The following NFIC variants were observed in gnomAD, a reference collection of about 807,000 sequenced individuals.
NFIC encodes the protein nuclear factor I C, also known as nuclear factor 1 C-type.
A neutral mutation model predicts 54.4 loss-of-function variants in NFIC; 12 were observed. The ratio of observed to expected loss-of-function variants is 0.22; its 90% CI spans 0.14 to 0.36. The LOEUF (loss-of-function observed/expected upper bound fraction) is 0.36. Among genes scored for constraint, NFIC ranks in the 10% least tolerant of loss-of-function variants. The pLI is 1.00. For missense variants in NFIC, 575 were observed against 718.2 expected (o/e 0.80, Z 2.28); for synonymous variants, 322 against 319.2 (o/e 1.01, Z -0.09).
In NFIC at chr19:3,429,250, AT is replaced by A. The variant is rs1568443768; in HGVS notation, c.634+4074del. Among the ~76,000 whole-genome samples, 350 of 45,658 alleles carry A rather than the reference AT, an allele frequency of 7.7e-3. 43 individuals are homozygous for A. Among genetic ancestry groups the A allele is most frequent in the South Asian group, 0.025 (25 of 1,018 alleles). The allele number at this position is 45,658 out of a possible 152,430, so 30.0% of individuals were successfully genotyped here. A position where few individuals can be genotyped will look rare whatever the true frequency, so the allele number is the denominator to read the frequency against. On this transcript the variant is annotated intron_variant, in intron 3 of 10. Coordinates refer to ENST00000443272, the MANE Select transcript of NFIC (RefSeq NM_001245002.2). ...CTACCCCAAAAAAAAAAAAAAAAAT[AT>A]ATACACACACACACACACACACACA...
At chr19:3,460,147 TGA>T (rs2082618752) in intron 10 of NFIC, among the ~76,000 whole-genome samples, 1 of 152,188 alleles carries the variant, frequency 6.6e-6, no homozygotes, top group Non-Finnish European at 1.5e-5. Context: ...TCTGGGAGGT[TGA>T]GAGTCATCCT....
At chr19:3,361,022 G>T (rs73919113) in intron 1 of NFIC, among the ~76,000 whole-genome samples, 4,174 of 152,290 alleles carry the variant, frequency 0.027, 196 homozygotes, top group African/African-American at 0.094. Flanking sequence ...CTGCCTGGGC[G>T]GCGGAGGAAG....
chr19:3,371,118 G>A (rs2081000736), intron 1 of NFIC, among the ~76,000 whole-genome samples: 1 of 152,162 alleles, frequency 6.6e-6, no homozygotes, highest in Admixed American at 6.5e-5. Flanking sequence ...ATAGTACCTG[G>A]TATAGAGAAG....
chr19:3,393,277 G>A (rs574428594), intron 2 of NFIC, among the ~76,000 whole-genome samples: 2 of 152,304 alleles, frequency 1.3e-5, no homozygotes, highest in East Asian at 3.9e-4. Flanking sequence ...TGGAGGGGAG[G>A]TAGGGCCAGC....
chr19:3,444,498 G>C (rs1206242218), intron 6 of NFIC, among the ~76,000 whole-genome samples: 2 of 152,228 alleles, frequency 1.3e-5, no homozygotes, highest in Admixed American at 1.3e-4. Flanking sequence ...ACAGACAGAG[G>C]ATGCTTGGAG....
intron 1 of NFIC, among the ~76,000 whole-genome samples, chr19:3,360,536 TG>T (rs1224961294): frequency 2.0e-5 from 3 of 151,822 alleles, no homozygotes; most frequent in Non-Finnish European, 4.4e-5. Context: ...CATTGGCATC[TG>T]GGGGAGCGTC....
rs542104237 is a variant in NFIC at position 3,463,931 on chromosome 19, C to T, written c.*1162C>T. ...CCCTCCCCTCCAGCCTCTCCACCAG[C>T]CCCTCCAGTCAACCCTCATCGCCGT... On this transcript the variant is annotated 3_prime_UTR_variant, in exon 11 of 11. Coordinates refer to ENST00000443272, the MANE Select transcript of NFIC (RefSeq NM_001245002.2). The T allele has an allele frequency of 3.1e-6, 3 of 983,520 alleles. No homozygotes were observed. In the South Asian group the frequency reaches 1.4e-4, roughly 46 times the overall value. The allele number at this position is 983,520 out of a possible 1,614,324, so 60.9% of individuals were successfully genotyped here.
At chr19:3,417,942 C>CTTTTTCTTTTCTTCCAGTTTTTCA (rs56388025) in intron 2 of NFIC, among the ~76,000 whole-genome samples, 109,764 of 150,586 alleles carry the variant, frequency 0.73, 41,552 homozygotes, top group African/African-American at 0.9. Flanking sequence ...CCGGCCACCT[C>CTTTTTCTTTTCTTCCAGTTTTTCA]TGGAAGCAGC....
chr19:3,462,448 G>A (rs2082655945), intron 10 of NFIC, among the ~76,000 whole-genome samples: 2 of 152,226 alleles, frequency 1.3e-5, no homozygotes, highest in Admixed American at 6.5e-5. Context: ...TGTGTGTGGT[G>A]TGTAAGTATA....
intron 6 of NFIC, among the ~76,000 whole-genome samples, chr19:3,440,768 G>A (rs1352910026): frequency 2.0e-5 from 3 of 152,056 alleles, no homozygotes; most frequent in Non-Finnish European, 4.4e-5. Context: ...TGATCCGCCC[G>A]CCTCGGCCTC....
chr19:3,400,800 C>T (rs2081543275), intron 2 of NFIC, among the ~76,000 whole-genome samples: 1 of 152,184 alleles, frequency 6.6e-6, no homozygotes, highest in African/African-American at 2.4e-5. Flanking sequence ...CGAGATTGTA[C>T]CACTACACTC....
chr19:3,414,034 C>CCCAAGGGACA (rs2081808831), intron 2 of NFIC, among the ~76,000 whole-genome samples: 1 of 152,082 alleles, frequency 6.6e-6, no homozygotes, highest in Non-Finnish European at 1.5e-5. Flanking sequence ...CCGCTGTGTC[C>CCCAAGGGACA]CTTGGGCGTC....
chr19:3,453,486 C>A lies in NFIC; in HGVS notation c.1270-277C>A, dbSNP rs935177092. Among the ~76,000 whole-genome samples, 7 of 152,200 alleles carry A rather than the reference C, an allele frequency of 4.6e-5. No homozygotes were observed. Among genetic ancestry groups the A allele is most frequent in the Admixed American group, 1.3e-4 (2 of 15,278 alleles). ...GCGGTGGCACTGTTTGGAAGGAAAT[C>A]AGTCGAGTTGGCGTGCAGGGGGTTT... is the stretch of plus-strand genomic sequence containing the variant. On this transcript the variant is annotated intron_variant, in intron 8 of 10. Transcript: ENST00000443272. This position sits in a 1 kb window ranked among gnomAD's most constrained non-coding sequence, Gnocchi z 6.7.
chr19:3,410,661 G>A (rs1480542356), intron 2 of NFIC: 1 of 152,344 alleles, frequency 6.6e-6, no homozygotes, highest in Non-Finnish European at 1.5e-5. Flanking sequence ...GGCAGAGGAG[G>A]GGTAATGTTC....
intron 5 of NFIC, 45 bp from the exon 6 acceptor site, chr19:3,435,038 C>A (rs1334690234): frequency 4.6e-6 from 7 of 1,518,876 alleles, no homozygotes; most frequent in Non-Finnish European, 6.2e-6. Flanking sequence ...CCCCCCGCCC[C>A]GCGTCTCCCT....
chr19:3,378,468 C>T (rs145813069), intron 1 of NFIC, among the ~76,000 whole-genome samples: 2 of 152,302 alleles, frequency 1.3e-5, no homozygotes, highest in African/African-American at 4.8e-5. Context: ...CCTCCCCACA[C>T]CCAGACAGGG....
chr19:3,453,257 G>T lies in NFIC; in HGVS notation c.1270-506G>T, dbSNP rs375959584. On this transcript the variant is annotated intron_variant, in intron 8 of 10. Transcript: ENST00000443272. This position sits in a 1 kb window ranked among gnomAD's most constrained non-coding sequence, Gnocchi z 6.7. Reference sequence around the variant, plus strand: ...CTGTCTCAAAAAGAAAAAAAAGGTTGGGGGGCGGGGGGCAGGAAGACATTG... The same window carrying T: ...CTGTCTCAAAAAGAAAAAAAAGGTTTGGGGGCGGGGGGCAGGAAGACATTG... 1.3e-5 allele frequency among the ~76,000 whole-genome samples: 2 copies of T among 152,102 alleles called. No homozygotes were observed. The highest frequency in any genetic ancestry group is 2.1e-4 in the South Asian group (1 of 4,812).
At chr19:3,405,244 G>C (rs1224108388) in intron 2 of NFIC, among the ~76,000 whole-genome samples, 2 of 152,242 alleles carry the variant, frequency 1.3e-5, no homozygotes, top group Non-Finnish European at 2.9e-5. Context: ...CAGCGTCCTG[G>C]AGGTCACCCC....
intron 1 of NFIC, among the ~76,000 whole-genome samples, chr19:3,378,222 C>T (rs1215593940): frequency 6.7e-6 from 1 of 149,224 alleles, no homozygotes; most frequent in Non-Finnish European, 1.5e-5. Context: ...GATTGTGCCA[C>T]TGCACTCCAG....
Sources: allele counts gnomAD v4.1 joint callset (sites outside exome capture counted in the v4.1 genomes callset), GRCh38; gene constraint gnomAD v4.1.1; non-coding constraint Gnocchi (gnomAD v3.1); transcripts MANE v1.5; gene names NCBI Gene and HGNC (gene_info 2026-07-23, HGNC 2026-07-21).